The following ANK3 variants were observed in gnomAD, a reference collection of about 807,000 sequenced individuals.
The protein encoded by ANK3 is ankyrin-3.
A neutral mutation model predicts 370.9 loss-of-function variants in ANK3; 57 were observed. That is an observed-to-expected ratio of 0.15 (90% CI 0.12 to 0.19). ANK3 has a LOEUF of 0.19. Ranked by LOEUF, ANK3 falls within the 10% of genes least tolerant of loss-of-function variation. The probability of loss-of-function intolerance (pLI) is 1.00; values close to 1 mark genes in which losing one functional copy is unlikely to be tolerated. For missense variants in ANK3, 4,439 were observed against 5,302.1 expected (o/e 0.84, Z 5.06); for synonymous variants, 1,929 against 1,946.3 (o/e 0.99, Z 0.23).
At chr10:60,056,301 T>C (rs1261624307) in intron 41 of ANK3, among the ~76,000 whole-genome samples, 1 of 152,052 alleles carries the variant, frequency 6.6e-6, no homozygotes, top group Non-Finnish European at 1.5e-5. Flanking sequence ...AAACCCCATC[T>C]CTACTAAAAA....
At chr10:60,197,853 G>A (rs1361323111) in intron 14 of ANK3, among the ~76,000 whole-genome samples, 2 of 152,144 alleles carry the variant, frequency 1.3e-5, no homozygotes, top group Non-Finnish European at 2.9e-5. Context: ...TAAGGCATCA[G>A]AGTTGAGATA....
At chr10:60,338,360 A>G (rs1004700416) in intron 1 of ANK3, among the ~76,000 whole-genome samples, 1 of 152,150 alleles carries the variant, frequency 6.6e-6, no homozygotes, top group Non-Finnish European at 1.5e-5. Context: ...TGGGCCCCAC[A>G]CCTCAGAGGT....
chr10:60,443,396 G>GT (rs1595045452), intron 2 of ANK3, among the ~76,000 whole-genome samples: 1 of 151,954 alleles, frequency 6.6e-6, no homozygotes, highest in African/African-American at 2.4e-5. Flanking sequence ...GCTTCACTTT[G>GT]TTTTTTCTGG....
In ANK3 at chr10:60,073,879, G is replaced by C. The variant is rs369714799; in HGVS notation, c.7002C>G (p.Ile2334Met). 1.2e-6 allele frequency: 2 copies of C among 1,613,366 alleles called. No individual in the cohort carries two copies. The highest frequency in any genetic ancestry group is 1.7e-6 in the Non-Finnish European group (2 of 1,179,958). The change falls in exon 37 of 44, where the codon ATC becomes ATG. Residue 2334 changes from isoleucine to methionine, a missense_variant. This residue lies in a region of ANK3 where 1,601 missense variants were observed against 1,731.7 expected (regional missense o/e 0.92). Transcript: ENST00000280772. ...PKLERIIEVHIEKGNQAEPTE... is the reference protein window; with the variant it reads ...PKLERIIEVHMEKGNQAEPTE... ...TGGGCTCAGCTTGGTTACCTTTTTC[G>C]ATGTGGACTTCTATTATACGCTCCA...
At chr10:60,144,017 C>T (rs1348009891) in intron 23 of ANK3, among the ~76,000 whole-genome samples, 5 of 152,210 alleles carry the variant, frequency 3.3e-5, no homozygotes, top group Non-Finnish European at 5.9e-5. Flanking sequence ...GCTCAGCTGT[C>T]GCTGCCATCC....
chr10:60,685,453 C>G (rs2079255285), intron 1 of ANK3, among the ~76,000 whole-genome samples: 1 of 151,906 alleles, frequency 6.6e-6, no homozygotes, highest in East Asian at 1.9e-4. Flanking sequence ...TTAGAAAATG[C>G]TCATTAAAGT....
rs71015756 is a variant in ANK3, at chr10:60,029,875, C to CTTTTTTTTTTTTTTTTT, written c.*20-66_*20-50dup. The CTTTTTTTTTTTTTTTTT allele has an allele frequency of 8.3e-4, 57 of 68,652 alleles. 4 individuals are homozygous for CTTTTTTTTTTTTTTTTT. The highest frequency in any genetic ancestry group is 2.1e-3 in the African/African-American group (32 of 15,142). 4.3% of individuals were successfully genotyped at this position (68,652 alleles called of 1,614,324 possible). The stretch of plus-strand genomic sequence containing the variant: ...TGAGTTTAGCTTTCTTTTTCTTTTT[C>CTTTTTTTTTTTTTTTTT]TTTTTTTTTTTTTTTTTTTTTTTTT... On this transcript the variant is annotated intron_variant, in intron 43 of 43. Transcript: ENST00000280772.
chr10:60,471,719 A>G (rs1032660906), intron 2 of ANK3, among the ~76,000 whole-genome samples: 5 of 152,128 alleles, frequency 3.3e-5, no homozygotes, highest in African/African-American at 1.2e-4. Flanking sequence ...ATAAGAAATT[A>G]ATAATTTTTT....
chr10:60,666,953 AG>A (rs1210862575), intron 1 of ANK3, among the ~76,000 whole-genome samples: 6 of 152,086 alleles, frequency 3.9e-5, no homozygotes, highest in Non-Finnish European at 8.8e-5. Flanking sequence ...TAGAGTTGTC[AG>A]ATAAAATAGA....
At chr10:60,030,210 T>C (rs1034437289) in intron 43 of ANK3, among the ~76,000 whole-genome samples, 7 of 152,076 alleles carry the variant, frequency 4.6e-5, no homozygotes, top group African/African-American at 1.7e-4. Context: ...TGGCCCGAAA[T>C]TGGCTCACTG....
intron 1 of ANK3, among the ~76,000 whole-genome samples, chr10:60,666,916 G>A (rs1308375319): frequency 6.6e-6 from 1 of 151,936 alleles, no homozygotes; most frequent in Non-Finnish European, 1.5e-5. Flanking sequence ...ATGCTTAGAT[G>A]TTTTAATTTT....
intron 1 of ANK3, among the ~76,000 whole-genome samples, chr10:60,381,262 GTTCA>G (rs891446598): frequency 6.6e-6 from 1 of 151,800 alleles, no homozygotes; most frequent in Non-Finnish European, 1.5e-5. Context: ...GCAAAATAAA[GTTCA>G]TTTATTAAAG....
At chr10:60,707,034 T>C (rs897183359) in intron 1 of ANK3, among the ~76,000 whole-genome samples, 2 of 152,206 alleles carry the variant, frequency 1.3e-5, no homozygotes, top group Non-Finnish European at 2.9e-5. Flanking sequence ...TATGTTTATA[T>C]GTAAATATTC....
Position 60,056,051 on chromosome 10 carries a change from T to C in ANK3, c.12687-15A>G. 1.3e-6 allele frequency: 2 copies of C among 1,582,206 alleles called. No homozygotes were observed. Among genetic ancestry groups the C allele is most frequent in the Non-Finnish European group, 8.6e-7 (1 of 1,168,886 alleles). On this transcript the variant is annotated splice_polypyrimidine_tract_variant and intron_variant, in intron 41 of 43. Transcript: ENST00000280772. ...ACTGGTCAGGGCTGCAACAGAAAAT[T>C]TGCAAATTCACAATGGCAAACTATG...
At chr10:60,689,409 A>G (rs1197524546) in intron 1 of ANK3, among the ~76,000 whole-genome samples, 2 of 152,156 alleles carry the variant, frequency 1.3e-5, no homozygotes, top group African/African-American at 4.8e-5. Context: ...AAAAATAAAT[A>G]GATAAATAAA....
intron 7 of ANK3, among the ~76,000 whole-genome samples, chr10:60,249,057 T>A (rs1299099703): frequency 6.6e-6 from 1 of 152,234 alleles, no homozygotes; most frequent in Non-Finnish European, 1.5e-5. Flanking sequence ...TTTCTTTATA[T>A]TTCTTTAAAG....
intron 5 of ANK3, among the ~76,000 whole-genome samples, chr10:60,268,874 G>C (rs939533066): frequency 2.0e-5 from 3 of 152,062 alleles, no homozygotes; most frequent in African/African-American, 7.2e-5. Context: ...TAATAAATTA[G>C]TATTTGACTA....
chr10:60,219,000 C>G (rs1214559642), intron 8 of ANK3, among the ~76,000 whole-genome samples: 1 of 151,678 alleles, frequency 6.6e-6, no homozygotes, highest in East Asian at 1.9e-4. Context: ...TTACTCTAGT[C>G]TTGTCTGCAT....
At position 60,650,311 on chromosome 10, in the gene ANK3, G is replaced by A. The variant is rs2078769237; in HGVS notation, c.58-35087C>T. 2.7e-5 allele frequency among the ~76,000 whole-genome samples: 4 copies of A among 148,820 alleles called. No homozygotes were observed. In the South Asian group the frequency reaches 8.5e-4, roughly 31 times the overall value. On this transcript the variant is annotated intron_variant, in intron 1 of 43. Coordinates refer to the ANK3 transcript ENST00000373827. ...GCTGCTTTAGAGCTACACCAGCAGA[G>A]CTGAATAGCTGTAACAGGGACTGAA...
Sources: gnomAD v4.1 joint callset for allele counts (sites outside exome capture counted in the v4.1 genomes callset) on GRCh38, gnomAD v4.1.1 for gene constraint, gnomAD v4.1.1 regional missense constraint, MANE v1.5 for transcripts, NCBI Gene and HGNC (gene_info 2026-07-23, HGNC 2026-07-21) for gene names.